The following SUMF1 variants were observed in gnomAD, a reference collection of about 807,000 sequenced individuals.
SUMF1 encodes formylglycine-generating enzyme.
In SUMF1, 48 loss-of-function variants were observed where a neutral mutation model predicts 47.6. That is an observed-to-expected ratio of 1.01 (90% CI 0.80 to 1.28). The LOEUF (loss-of-function observed/expected upper bound fraction) is 1.28. Ranked by LOEUF, SUMF1 falls within the 50% of genes most tolerant of loss-of-function variation. SUMF1 has a pLI of 0.00. For missense variants in SUMF1, 571 were observed against 485.4 expected, an observed-to-expected ratio of 1.18 and a Z score of -1.66; for synonymous variants, 230 against 192.1, an observed-to-expected ratio of 1.20 and a Z score of -1.63.
At chr3:4,131,393 G>A (rs974944637) in intron 8 of SUMF1, among the ~76,000 whole-genome samples, 2 of 152,180 alleles carry the variant, frequency 1.3e-5, no homozygotes, top group Non-Finnish European at 1.5e-5. Context: ...CAGAGGAAGA[G>A]AAGACTAGGC....
intron 8 of SUMF1, chr3:4,313,484 C>T (rs1698505065): frequency 8.7e-6 from 14 of 1,613,510 alleles, no homozygotes; most frequent in Non-Finnish European, 1.2e-5. Context: ...GCACTTTTTG[C>T]AGCCAAAGAT....
At chr3:4,426,919 C>T (rs985402448) in intron 3 of SUMF1, among the ~76,000 whole-genome samples, 2 of 152,156 alleles carry the variant, frequency 1.3e-5, no homozygotes, top group Non-Finnish European at 2.9e-5. Context: ...ATGAGCCAGC[C>T]AGTGACCAAT....
At chr3:4,360,739 A>C (rs1229253292), downstream of SUMF1, among the ~76,000 whole-genome samples, 2 of 152,236 alleles carry the variant, frequency 1.3e-5, no homozygotes, top group African/African-American at 4.8e-5. Context: ...TGATTTAAAC[A>C]TTTCTTTCAA....
intron 7 of SUMF1, among the ~76,000 whole-genome samples, chr3:4,384,577 A>T (rs1488074897): frequency 6.6e-6 from 1 of 152,168 alleles, no homozygotes; most frequent in African/African-American, 2.4e-5. Context: ...GTGGAATCAT[A>T]CAGTATGTAA....
Position 4,115,031 on chromosome 3 carries a change from A to C in SUMF1, c.1015-46286T>G, listed in dbSNP as rs191232071. On this transcript the variant is annotated intron_variant and NMD_transcript_variant, in intron 8 of 12. Coordinates refer to the SUMF1 transcript ENST00000448413. Reference sequence around the variant, plus strand: ...TCCTGCTTTTGCCCCCAAATGTTGCATTTTTCCAAGACCACCCTGGCCCAC... The same window carrying C: ...TCCTGCTTTTGCCCCCAAATGTTGCCTTTTTCCAAGACCACCCTGGCCCAC... 2.4e-3 allele frequency among the ~76,000 whole-genome samples: 349 copies of C among 146,860 alleles called. 5 individuals are homozygous for C. Among genetic ancestry groups the C allele is most frequent in the African/African-American group, 8.3e-3 (329 of 39,516 alleles).
rs1324857211 is a variant in SUMF1, at chr3:4,361,782, G to A, written c.*362C>T. 1 of 296,956 alleles carries A rather than the reference G, an allele frequency of 3.4e-6. No homozygotes were observed. The highest frequency in any genetic ancestry group is 6.5e-6 in the Non-Finnish European group (1 of 153,332). 18.4% of individuals were successfully genotyped at this position (296,956 alleles called of 1,614,324 possible). On this transcript the variant is annotated 3_prime_UTR_variant, in exon 9 of 9. Coordinates refer to ENST00000272902, the MANE Select transcript of SUMF1 (RefSeq NM_182760.4). ...GTCCATCCCTTCATTTGATAGGGGA[G>A]GGCACTTGAGGCCCAGGAAGGTCAA...
rs769396011 is a variant in SUMF1, at chr3:4,417,234, G to A, written c.734C>T (p.Pro245Leu). 6.2e-7 allele frequency: 1 copy of A among 1,613,894 alleles called. No individual in the cohort carries two copies. Among genetic ancestry groups the A allele is most frequent in the East Asian group, 2.2e-5 (1 of 44,854 alleles). ...TTTGGGCTGCAGTTTGTTGCCCCAGGGGAAAAGTCTGTCAGAAGAGACACA... is the reference window on the plus strand; with the variant it reads ...TTTGGGCTGCAGTTTGTTGCCCCAGAGGAAAAGTCTGTCAGAAGAGACACA... ...CRGGLHNRLFPWGNKLQPKGQ... is the reference protein window; with the variant it reads ...CRGGLHNRLFLWGNKLQPKGQ... The change falls in exon 6 of 9, where the codon CCC becomes CTC. Residue 245 changes from proline (P) to leucine (L), a missense_variant. By Grantham distance (98) the Pro-to-Leu change is moderately conservative (BLOSUM62 -3). Transcript: ENST00000272902.
intron 8 of SUMF1, among the ~76,000 whole-genome samples, chr3:4,133,591 G>C (rs1693844380): frequency 6.6e-6 from 1 of 152,070 alleles, no homozygotes; most frequent in Non-Finnish European, 1.5e-5. Context: ...TGTGCAGCTA[G>C]ATTATATACA....
intron 8 of SUMF1, among the ~76,000 whole-genome samples, chr3:4,131,747 A>T (rs1693796047): frequency 6.6e-6 from 1 of 152,160 alleles, no homozygotes; most frequent in Non-Finnish European, 1.5e-5. Context: ...AGGTATTCGT[A>T]TCCCATGTGA....
intron 8 of SUMF1, among the ~76,000 whole-genome samples, chr3:4,338,546 G>A (rs75448650): frequency 0.012 from 1,893 of 152,252 alleles, 37 homozygotes; most frequent in African/African-American, 0.041. Context: ...GGGAAGTTGA[G>A]TCCCTGAGCT....
chr3:4,376,174 A>C (rs1700320534), intron 8 of SUMF1, among the ~76,000 whole-genome samples, 156 bp downstream of exon 8: 1 of 152,184 alleles, frequency 6.6e-6, no homozygotes, highest in Non-Finnish European at 1.5e-5. Context: ...GCTTGTAACC[A>C]AATTTGAGAT....
rs78957847 is a variant in SUMF1 at position 4,246,923 on chromosome 3, T to A, written c.1014+129407A>T. On this transcript the variant is annotated intron_variant and NMD_transcript_variant, in intron 8 of 12. Transcript: ENST00000448413. The stretch of plus-strand genomic sequence containing the variant: ...AATTATATATTTCCTTAACACATAA[T>A]TTGGTTTTGGGTATGTTTAGCCAGT... Among the ~76,000 whole-genome samples, 1,055 of 152,308 alleles carry A rather than the reference T, an allele frequency of 6.9e-3. 11 individuals are homozygous for A. The highest frequency in any genetic ancestry group is 0.024 in the African/African-American group (997 of 41,572).
intron 8 of SUMF1, among the ~76,000 whole-genome samples, chr3:4,196,168 A>G (rs1171870704): frequency 6.6e-6 from 1 of 152,094 alleles, no homozygotes; most frequent in Non-Finnish European, 1.5e-5. Flanking sequence ...TGCAGTTGTT[A>G]GTTCTGGTTT....
At chr3:4,068,342 G>T (rs1052898912) in intron 9 of SUMF1, among the ~76,000 whole-genome samples, 1 of 152,056 alleles carries the variant, frequency 6.6e-6, no homozygotes, top group African/African-American at 2.4e-5. Flanking sequence ...CTGTCTAATA[G>T]AAATATAATG....
chr3:4,176,449 T>C (rs889584025), intron 8 of SUMF1, among the ~76,000 whole-genome samples: 1 of 152,072 alleles, frequency 6.6e-6, no homozygotes, highest in Non-Finnish European at 1.5e-5. Context: ...AGCTTCATAA[T>C]TGAAGGAGAA....
intron 8 of SUMF1, among the ~76,000 whole-genome samples, chr3:4,353,315 T>C (rs889296465): frequency 7.9e-5 from 12 of 152,180 alleles, no homozygotes; most frequent in Non-Finnish European, 1.3e-4. Context: ...TACAGTGGCG[T>C]GATCTCCGCT....
chr3:4,168,385 G>A (rs1051814548), intron 8 of SUMF1, among the ~76,000 whole-genome samples: 1 of 152,152 alleles, frequency 6.6e-6, no homozygotes, highest in African/African-American at 2.4e-5. Context: ...CTTGAGTTCT[G>A]AGCCTTTAAT....
chr3:4,150,892 C>T (rs1694303674), intron 8 of SUMF1, among the ~76,000 whole-genome samples: 1 of 151,334 alleles, frequency 6.6e-6, no homozygotes, highest in South Asian at 2.1e-4. Context: ...TATCAGGTTC[C>T]ATAGGCTTTA....
chr3:4,185,290 A>G (rs1407208589), intron 8 of SUMF1, among the ~76,000 whole-genome samples: 1 of 152,196 alleles, frequency 6.6e-6, no homozygotes, highest in Non-Finnish European at 1.5e-5. Flanking sequence ...TATGTGTTCA[A>G]AATGTTGGCC....
Sources: allele counts gnomAD v4.1 joint callset (sites outside exome capture counted in the v4.1 genomes callset), GRCh38; gene constraint gnomAD v4.1.1; transcripts MANE v1.5; gene names NCBI Gene and HGNC (gene_info 2026-07-23, HGNC 2026-07-21).